PGLYRP4: variants seen among roughly 807,000 people sequenced by gnomAD.
PGLYRP4 encodes the protein PGRP-I-beta.
Under a neutral mutation model 41.2 loss-of-function variants are expected in PGLYRP4, and 39 were observed. The observed-to-expected ratio is 0.95, with a 90% CI of 0.73 to 1.24. The LOEUF (loss-of-function observed/expected upper bound fraction) is 1.24. Among genes scored for constraint, PGLYRP4 ranks in the 50% most tolerant of loss-of-function variants. The pLI is 0.00. For synonymous variants in PGLYRP4, 202 were observed against 186.8 expected (o/e 1.08, Z -0.66); for missense variants, 467 against 460.7 (o/e 1.01, Z -0.13).
chr1:153,340,347 G>A (rs1660740227), intron 7 of PGLYRP4, 34 bp downstream of exon 7: 1 of 1,591,416 alleles, frequency 6.3e-7, no homozygotes, highest in African/African-American at 1.3e-5. Context: ...TGCCCCCAAG[G>A]GAAAAGAAGC....
intron 4 of PGLYRP4, among the ~76,000 whole-genome samples, chr1:153,344,140 ACT>A (rs1046729225): frequency 2.8e-4 from 42 of 151,594 alleles, no homozygotes; most frequent in African/African-American, 9.5e-4. Flanking sequence ...AACCTTAAAA[ACT>A]CTTAGTCTGT....
intron 4 of PGLYRP4, 107 bp from the exon 5 acceptor site, chr1:153,343,315 A>G: frequency 1.4e-6 from 1 of 699,604 alleles, no homozygotes. Context: ...AGCTATGTTC[A>G]CTAAAAGGAA....
intron 8 of PGLYRP4, among the ~76,000 whole-genome samples, chr1:153,334,843 T>C (rs1239973017): frequency 5.3e-5 from 8 of 152,066 alleles, no homozygotes; most frequent in Admixed American, 3.9e-4. Flanking sequence ...ATCGTACTGG[T>C]ATAAAAACAG....
In PGLYRP4 at chr1:153,343,173, C is replaced by T; in HGVS notation, c.389G>A (p.Gly130Asp). ...LVGDDGRVYE[G>D]VGWNIQGVHT... is the part of the protein sequence containing the mutation. ...CACTCCTTGGATATTCCAGCCAACA[C>T]CTTCATACACCCTGCCATCATCCCC... The change falls in exon 5 of 9, where the codon GGT becomes GAT. Residue 130 changes from glycine to aspartate, a missense_variant. Coordinates refer to ENST00000359650, the MANE Select transcript of PGLYRP4 (RefSeq NM_020393.4). 1.2e-6 allele frequency: 2 copies of T among 1,613,822 alleles called. No homozygotes were observed. Among genetic ancestry groups the T allele is most frequent in the African/African-American group, 2.7e-5 (2 of 75,034 alleles).
At position 153,340,506 on chromosome 1, in the gene PGLYRP4, C is replaced by G. The variant is rs747128814; in HGVS notation, c.699G>C (p.Ala233=). 2 of 1,614,156 alleles carry G rather than the reference C, an allele frequency of 1.2e-6. No individual in the cohort carries two copies. Among genetic ancestry groups the G allele is most frequent in the East Asian group, 2.2e-5 (1 of 44,882 alleles). The change falls in exon 7 of 9, where the codon GCG becomes GCC. Residue 233 remains alanine, a synonymous_variant. Transcript: ENST00000359650. ...ETHCPRMTLP[A]KYGIIIHTAG... is the part of the protein sequence containing the mutation. ...CAGTGTGGATAATGATGCCATACTT[C>G]GCTGGGAGAGTCATCCTGGGACAGT...
intron 4 of PGLYRP4, 34 bp from the exon 5 acceptor site, chr1:153,343,242 G>T: frequency 6.9e-7 from 1 of 1,446,860 alleles, no homozygotes; most frequent in Non-Finnish European, 9.7e-7. Context: ...TTCATGGCTG[G>T]CACTGTAGGA....
Position 153,341,773 on chromosome 1 carries a change from C to G in PGLYRP4, c.479G>C (p.Ser160Thr). 1 of 1,612,970 alleles carries G rather than the reference C, an allele frequency of 6.2e-7. No homozygotes were observed. Among genetic ancestry groups the G allele is most frequent in the Non-Finnish European group, 8.5e-7 (1 of 1,179,658 alleles). ...FAFFGTKKGH[S>T]PSPAALSAME... ...GGCCGACAGGGCAGCAGGGCTGGGA[C>G]TGTGGCCTAGAAGAGAGAAATCTGT... Residue 160 changes from serine (S) to threonine (T), a missense_variant, in exon 6 of 9, where the codon AGT becomes ACT. Coordinates refer to ENST00000359650, the MANE Select transcript of PGLYRP4 (RefSeq NM_020393.4).
chr1:153,345,951 T>A, intron 3 of PGLYRP4, 151 bp downstream of exon 3: 1 of 686,302 alleles, frequency 1.5e-6, no homozygotes, highest in Non-Finnish European at 2.6e-6. Context: ...GGGTAATTAA[T>A]GCAGGTGGTT....
intron 4 of PGLYRP4, among the ~76,000 whole-genome samples, chr1:153,344,319 C>T (rs1401785911): frequency 6.6e-6 from 1 of 152,162 alleles, no homozygotes; most frequent in Admixed American, 6.5e-5. Flanking sequence ...AGGAAGAAAG[C>T]CAGCAAAGTA....
intron 2 of PGLYRP4, among the ~76,000 whole-genome samples, chr1:153,346,826 G>T (rs535347161): frequency 1.2e-4 from 18 of 152,266 alleles, no homozygotes; most frequent in Non-Finnish European, 2.5e-4. Flanking sequence ...CCCACGTATT[G>T]CTATATCTTC....
intron 5 of PGLYRP4, among the ~76,000 whole-genome samples, chr1:153,342,200 T>G (rs1477395715): frequency 6.6e-6 from 1 of 152,224 alleles, no homozygotes; most frequent in East Asian, 1.9e-4. Context: ...AAGAGGAACT[T>G]GAGGCTCTGA....
intron 8 of PGLYRP4, among the ~76,000 whole-genome samples, chr1:153,334,595 G>T (rs766384403): frequency 6.7e-4 from 101 of 151,510 alleles, no homozygotes; most frequent in Non-Finnish European, 1.0e-3. Context: ...TCATGGATTT[G>T]AAGGATCAGT....
chr1:153,347,330 C>T (rs1281425345), intron 2 of PGLYRP4, among the ~76,000 whole-genome samples: 4 of 151,798 alleles, frequency 2.6e-5, no homozygotes, highest in Admixed American at 6.6e-5. Flanking sequence ...TGAGCAACTG[C>T]GCCCGGCCAA....
intron 6 of PGLYRP4, 23 bp from the exon 7 acceptor site, chr1:153,340,602 A>G (rs1322501091): frequency 3.7e-6 from 6 of 1,610,052 alleles, no homozygotes; most frequent in African/African-American, 2.7e-5. Context: ...GAGAAACCAC[A>G]GAGGGTTCAT....
At chr1:153,342,916 C>A (rs1339158374) in intron 5 of PGLYRP4, among the ~76,000 whole-genome samples, 174 bp downstream of exon 5, 1 of 152,136 alleles carries the variant, frequency 6.6e-6, no homozygotes, top group African/African-American at 2.4e-5. Flanking sequence ...AGACCCTTCA[C>A]AAAGTCATTT....
At chr1:153,334,575 C>T (rs943814076) in intron 8 of PGLYRP4, among the ~76,000 whole-genome samples, 1 of 150,830 alleles carries the variant, frequency 6.6e-6, no homozygotes, top group African/African-American at 2.4e-5. Flanking sequence ...AATGAGAAGA[C>T]ATCCCATGCT....
At position 153,342,240 on chromosome 1, in the gene PGLYRP4, C is replaced by T. The variant is rs113188197; in HGVS notation, c.473-461G>A. Among the ~76,000 whole-genome samples the T allele has an allele frequency of 3.0e-4, 45 of 152,128 alleles. 1 individual carries two copies. The highest frequency in any genetic ancestry group is 9.7e-4 in the African/African-American group (40 of 41,406). On this transcript the variant is annotated intron_variant, in intron 5 of 8. Coordinates refer to ENST00000359650, the MANE Select transcript of PGLYRP4 (RefSeq NM_020393.4). ...TAATGTGCTCAAGATCCCAAGCTAA[C>T]GACAAATGGAAATGAGTAGTCATGA...
chr1:153,340,398 T>C lies in PGLYRP4; in HGVS notation c.807A>G (p.Ser269=). The change falls in exon 7 of 9, where the codon TCA becomes TCG. Residue 269 remains serine (S), a synonymous_variant. Transcript: ENST00000359650. The stretch of plus-strand genomic sequence containing the variant: ...CCACTCACTTATAACCAATGTCGCA[T>C]GACTTGAGCCTGTCTATGTAGAAAG... ...IQSFYIDRLK[S]CDIGYNFLVG... is the part of the protein sequence containing the mutation. The C allele has an allele frequency of 6.2e-7, 1 of 1,614,184 alleles. No individual in the cohort carries two copies. The highest frequency in any genetic ancestry group is 8.5e-7 in the Non-Finnish European group (1 of 1,180,014).
Position 153,345,950 on chromosome 1 carries a change from A to G in PGLYRP4, c.139+152T>C, listed in dbSNP as rs1557832061. The G allele has an allele frequency of 8.8e-6, 6 of 684,104 alleles. No individual in the cohort carries two copies. In the East Asian group the frequency reaches 1.5e-4, roughly 17 times the overall value. The allele number at this position is 684,104 out of a possible 1,614,324, so 42.4% of individuals were successfully genotyped here. On this transcript the variant is annotated intron_variant, in intron 3 of 8. Coordinates refer to ENST00000359650, the MANE Select transcript of PGLYRP4 (RefSeq NM_020393.4). ...TCCATCCCAAGGACCTGGGTAATTA[A>G]TGCAGGTGGTTTACTGGTACTGCTC...
Sources: allele counts gnomAD v4.1 joint callset (sites outside exome capture counted in the v4.1 genomes callset), GRCh38; gene constraint gnomAD v4.1.1; transcripts MANE v1.5; gene names NCBI Gene and HGNC (gene_info 2026-07-23, HGNC 2026-07-21).